ZFAND3: variants seen among roughly 807,000 people sequenced by gnomAD.
ZFAND3 encodes the protein AN1-type zinc finger protein 3.
In ZFAND3, 10 loss-of-function variants were observed where a neutral mutation model predicts 29.6. The observed-to-expected ratio is 0.34, with a 90% CI of 0.21 to 0.57. ZFAND3 has a LOEUF of 0.57. ZFAND3 is among the 20% of genes least tolerant of loss of function. The pLI, the probability that ZFAND3 is intolerant of heterozygous loss-of-function variation, is 0.86. For missense variants in ZFAND3, 230 were observed against 304.5 expected, an observed-to-expected ratio of 0.76 and a Z score of 1.82; for synonymous variants, 128 against 112.6, an observed-to-expected ratio of 1.14 and a Z score of -0.87.
chr6:38,015,896 A>G (rs1354811506), intron 2 of ZFAND3, among the ~76,000 whole-genome samples: 2 of 152,210 alleles, frequency 1.3e-5, no homozygotes, highest in Non-Finnish European at 2.9e-5. Flanking sequence ...TCTGAAGCAA[A>G]TATAGTGAAA....
chr6:38,061,581 A>G lies in ZFAND3; in HGVS notation c.113-12A>G, dbSNP rs548067193. 36 of 1,613,772 alleles carry G rather than the reference A, an allele frequency of 2.2e-5. No individual in the cohort carries two copies. In the South Asian group the frequency reaches 2.7e-4, roughly 12 times the overall value. ...AACTCCTTAATTAAGCTCGTTTTCTATTTTTCTTCAGATTTTCAAAAGAAA... is the reference window on the plus strand; with the variant it reads ...AACTCCTTAATTAAGCTCGTTTTCTGTTTTTCTTCAGATTTTCAAAAGAAA... On this transcript the variant is annotated splice_polypyrimidine_tract_variant and intron_variant, in intron 2 of 5. Coordinates refer to ENST00000287218, the MANE Select transcript of ZFAND3 (RefSeq NM_021943.3).
In ZFAND3 at chr6:37,822,442, A is replaced by G. The variant is rs141408256; in HGVS notation, c.71+2426A>G. On this transcript the variant is annotated intron_variant, in intron 1 of 5. Transcript: ENST00000287218. ...ATAGCAACATTGCCGCCTTGTTTCC[A>G]TCGTATCACAACTGACTTTGGACAT... Among the ~76,000 whole-genome samples the G allele has an allele frequency of 2.4e-3, 363 of 152,284 alleles. 3 individuals carry two copies. The highest frequency in any genetic ancestry group is 7.8e-3 in the African/African-American group (325 of 41,558).
At position 38,153,031 on chromosome 6, in the gene ZFAND3, A is replaced by G. The variant is rs758802028; in HGVS notation, c.*642A>G. The stretch of plus-strand genomic sequence containing the variant: ...AAAAACTCATCACACAAGAAGAGAA[A>G]CAGTAACCTCACTTTGAAAATTAGC... On this transcript the variant is annotated 3_prime_UTR_variant, in exon 6 of 6. Transcript: ENST00000287218. 5.1e-4 allele frequency: 499 copies of G among 985,846 alleles called. 2 individuals carry two copies. The highest frequency in any genetic ancestry group is 2.6e-3 in the Middle Eastern group (5 of 1,914). 61.1% of individuals were successfully genotyped at this position (985,846 alleles called of 1,614,324 possible).
chr6:37,872,555 C>G (rs1346522740), intron 1 of ZFAND3, among the ~76,000 whole-genome samples: 1 of 152,196 alleles, frequency 6.6e-6, no homozygotes, highest in East Asian at 1.9e-4. Flanking sequence ...ATTACTCCCA[C>G]TTGCCTCTCC....
intron 2 of ZFAND3, among the ~76,000 whole-genome samples, chr6:37,970,206 G>A (rs1762362038): frequency 6.6e-6 from 1 of 152,094 alleles, no homozygotes; most frequent in South Asian, 2.1e-4. Context: ...TTGTTAGGAT[G>A]TAAAGTCATA....
At chr6:38,123,841 G>A (rs1224302119) in intron 5 of ZFAND3, among the ~76,000 whole-genome samples, 2 of 152,090 alleles carry the variant, frequency 1.3e-5, no homozygotes, top group African/African-American at 4.8e-5. Context: ...GCAGACCTTC[G>A]CGGTGAGTGT....
intron 2 of ZFAND3, among the ~76,000 whole-genome samples, chr6:38,009,420 A>G (rs1763107771): frequency 1.3e-5 from 2 of 152,218 alleles, no homozygotes; most frequent in Admixed American, 1.3e-4. Context: ...ATATCAGGTT[A>G]GAAGAGAGCC....
chr6:37,935,415 A>G (rs547605808), intron 2 of ZFAND3, among the ~76,000 whole-genome samples: 1 of 152,184 alleles, frequency 6.6e-6, no homozygotes, highest in Non-Finnish European at 1.5e-5. Context: ...TAAGTAAATG[A>G]ATATAAAAAG....
Position 37,847,919 on chromosome 6 carries a change from T to C in ZFAND3, c.71+27903T>C, listed in dbSNP as rs79418957. On this transcript the variant is annotated intron_variant, in intron 1 of 5. Transcript: ENST00000287218. The stretch of plus-strand genomic sequence containing the variant: ...TTATCATTGGTGGTTAATTTTGTGC[T>C]ACAGTGACAGAATTGAGTAGTTGTG... Among the ~76,000 whole-genome samples the C allele has an allele frequency of 7.7e-4, 118 of 152,366 alleles. 1 individual carries two copies. In the East Asian group the frequency reaches 0.019, roughly 25 times the overall value.
At chr6:37,859,317 A>G (rs1227350376) in intron 1 of ZFAND3, among the ~76,000 whole-genome samples, 1 of 152,212 alleles carries the variant, frequency 6.6e-6, no homozygotes, top group Non-Finnish European at 1.5e-5. Flanking sequence ...AAGACAGATG[A>G]TCCTGGCACA....
At chr6:38,062,867 C>T (rs1764269127) in intron 3 of ZFAND3, among the ~76,000 whole-genome samples, 1 of 151,694 alleles carries the variant, frequency 6.6e-6, no homozygotes, top group African/African-American at 2.4e-5. Context: ...AGGAGGATTG[C>T]TTGAGGCCAG....
chr6:38,153,617 C>T lies in ZFAND3; in HGVS notation c.*1228C>T. 1.0e-6 allele frequency: 1 copy of T among 985,486 alleles called. No homozygotes were observed. The highest frequency in any genetic ancestry group is 1.2e-6 in the Non-Finnish European group (1 of 829,984). 61.0% of individuals were successfully genotyped at this position (985,486 alleles called of 1,614,324 possible). A position where few individuals can be genotyped will look rare whatever the true frequency, so the allele number is the denominator to read the frequency against. On this transcript the variant is annotated 3_prime_UTR_variant, in exon 6 of 6. Coordinates refer to ENST00000287218, the MANE Select transcript of ZFAND3 (RefSeq NM_021943.3). Reference sequence around the variant, plus strand: ...CTGAGGGTACATTTCTCCACCTGTGCCCCCTCATGTTCACAGAGGATTTCA... The same window carrying T: ...CTGAGGGTACATTTCTCCACCTGTGTCCCCTCATGTTCACAGAGGATTTCA...
chr6:37,891,617 G>C (rs1402516717), intron 1 of ZFAND3, among the ~76,000 whole-genome samples: 1 of 151,874 alleles, frequency 6.6e-6, no homozygotes, highest in African/African-American at 2.4e-5. Context: ...ATAAATCATA[G>C]AACAACTAGA....
intron 5 of ZFAND3, among the ~76,000 whole-genome samples, chr6:38,120,740 C>T (rs928752182): frequency 2.6e-5 from 4 of 152,132 alleles, no homozygotes; most frequent in Non-Finnish European, 5.9e-5. Context: ...CATTAACAAA[C>T]TTAAGTGGAT....
At chr6:38,022,498 A>T (rs1003672314) in intron 2 of ZFAND3, among the ~76,000 whole-genome samples, 1 of 152,248 alleles carries the variant, frequency 6.6e-6, no homozygotes, top group Non-Finnish European at 1.5e-5. Context: ...GTCTTTTAAT[A>T]ACAACAGCCA....
chr6:37,863,346 G>C (rs541226634), intron 1 of ZFAND3, among the ~76,000 whole-genome samples: 1 of 152,188 alleles, frequency 6.6e-6, no homozygotes, highest in African/African-American at 2.4e-5. Flanking sequence ...GTCTCATTAG[G>C]TGGAAAGAAA....
chr6:37,931,317 A>C (rs1382537269), intron 2 of ZFAND3, among the ~76,000 whole-genome samples: 2 of 152,170 alleles, frequency 1.3e-5, no homozygotes, highest in Non-Finnish European at 1.5e-5. Context: ...CTTGAGCTTT[A>C]AGAGGCAGAC....
intron 2 of ZFAND3, among the ~76,000 whole-genome samples, chr6:38,055,013 G>A (rs527757907): frequency 2.6e-5 from 4 of 152,258 alleles, no homozygotes; most frequent in Non-Finnish European, 4.4e-5. Context: ...TTCTATGAAC[G>A]GAAGCTGTAG....
At chr6:37,905,099 G>C (rs182320488) in intron 1 of ZFAND3, among the ~76,000 whole-genome samples, 3 of 152,206 alleles carry the variant, frequency 2.0e-5, no homozygotes, top group African/African-American at 4.8e-5. Context: ...TGAAATGTCA[G>C]TGTACAGTAA....
Sources: gnomAD v4.1 joint callset for allele counts (sites outside exome capture counted in the v4.1 genomes callset) on GRCh38, gnomAD v4.1.1 for gene constraint, MANE v1.5 for transcripts, NCBI Gene and HGNC (gene_info 2026-07-23, HGNC 2026-07-21) for gene names.